Variants in ADAM10 observed in about 807,000 individuals in gnomAD.
ADAM10 encodes the protein ADAM metallopeptidase domain 10, also known as disintegrin and metalloproteinase domain-containing protein 10.
Under a neutral mutation model 90.1 loss-of-function variants are expected in ADAM10, and 17 were observed. The ratio of observed to expected loss-of-function variants is 0.19; its 90% CI spans 0.13 to 0.28. ADAM10 has a LOEUF of 0.28. ADAM10 is among the 10% of genes least tolerant of loss of function. ADAM10 has a pLI of 1.00. For synonymous variants in ADAM10, 310 were observed against 298.6 expected (o/e 1.04, Z -0.40); for missense variants, 610 against 914.3 (o/e 0.67, Z 4.29).
At chr15:58,657,362 G>T (rs8031250) in intron 5 of ADAM10, among the ~76,000 whole-genome samples, 7,644 of 151,978 alleles carry the variant, frequency 0.05, 662 homozygotes, top group African/African-American at 0.17. Context: ...AGATATTATA[G>T]GTGTTCTTCA....
At chr15:58,671,646 G>C (rs1401525064) in intron 4 of ADAM10, among the ~76,000 whole-genome samples, 4 of 152,192 alleles carry the variant, frequency 2.6e-5, no homozygotes, top group African/African-American at 9.7e-5. Flanking sequence ...GTCCGCGGCA[G>C]GAGGATGACT....
intron 10 of ADAM10, among the ~76,000 whole-genome samples, chr15:58,623,930 T>C (rs1412609901): frequency 5.3e-5 from 8 of 150,592 alleles, no homozygotes; most frequent in Admixed American, 2.0e-4. Context: ...CGTACACCTA[T>C]GTAATGAACC....
At chr15:58,633,415 A>G in intron 8 of ADAM10, 56 bp from the exon 9 acceptor site, 2 of 1,407,254 alleles carry the variant, frequency 1.4e-6, no homozygotes, top group Admixed American at 3.4e-5. Flanking sequence ...TACCCCCAAA[A>G]AGGTAATACA....
At chr15:58,733,450 A>G (rs1899323989) in intron 1 of ADAM10, among the ~76,000 whole-genome samples, 1 of 152,164 alleles carries the variant, frequency 6.6e-6, no homozygotes, top group African/African-American at 2.4e-5. Flanking sequence ...TTGTCTAGCC[A>G]GTTTCCGAAT....
At chr15:58,730,008 A>AAAAAAAAAAAC (rs1567016190) in intron 1 of ADAM10, among the ~76,000 whole-genome samples, 2 of 141,528 alleles carry the variant, frequency 1.4e-5, no homozygotes, top group East Asian at 2.2e-4. Flanking sequence ...ACAAACAAAA[A>AAAAAAAAAAAC]AAAAAACTCA....
intron 14 of ADAM10, 147 bp downstream of exon 14, chr15:58,610,150 G>C (rs542773906): frequency 1.7e-4 from 128 of 746,018 alleles, no homozygotes; most frequent in Non-Finnish European, 2.7e-4. Flanking sequence ...ATAATAACCA[G>C]AAATATTAGA....
At chr15:58,698,213 G>A (rs1898028675) in intron 2 of ADAM10, 1 of 395,526 alleles carries the variant, frequency 2.5e-6, no homozygotes, top group Non-Finnish European at 4.9e-6. Flanking sequence ...AAAAAGCTAA[G>A]TGAGGTACAA....
Position 58,666,839 on chromosome 15 carries a change from G to C in ADAM10, c.485-1642C>G, listed in dbSNP as rs186877774. Among the ~76,000 whole-genome samples the C allele has an allele frequency of 3.9e-3, 592 of 152,042 alleles. 1 individual carries two copies. The highest frequency in any genetic ancestry group is 6.6e-3 in the Non-Finnish European group (448 of 67,956). The stretch of plus-strand genomic sequence containing the variant: ...AAAAAAATTTCCAAATATTTCCAAA[G>C]CAACAAAACAGTATTTATATATGCT... On this transcript the variant is annotated intron_variant, in intron 4 of 15. Coordinates refer to ENST00000260408, the MANE Select transcript of ADAM10 (RefSeq NM_001110.4).
intron 5 of ADAM10, among the ~76,000 whole-genome samples, chr15:58,647,406 G>A (rs904750116): frequency 1.3e-5 from 2 of 151,274 alleles, no homozygotes; most frequent in Non-Finnish European, 3.0e-5. Context: ...GACTACCGGC[G>A]CCTGCCACCA....
At chr15:58,692,827 G>T in intron 2 of ADAM10, 1 of 649,990 alleles carries the variant, frequency 1.5e-6, no homozygotes, top group South Asian at 1.4e-5. Context: ...CCCAATCATG[G>T]AGATTTCTGC....
intron 1 of ADAM10, among the ~76,000 whole-genome samples, chr15:58,735,666 A>G (rs1185972097): frequency 1.3e-5 from 2 of 151,948 alleles, no homozygotes; most frequent in Non-Finnish European, 2.9e-5. Context: ...TACAGACTCA[A>G]TTTCATTTTT....
At chr15:58,653,848 T>C (rs1304238570) in intron 5 of ADAM10, among the ~76,000 whole-genome samples, 1 of 152,200 alleles carries the variant, frequency 6.6e-6, no homozygotes, top group Non-Finnish European at 1.5e-5. Context: ...TCCCAGACTT[T>C]TCTTTACTGG....
intron 1 of ADAM10, among the ~76,000 whole-genome samples, chr15:58,734,800 G>T (rs1032066468): frequency 6.6e-6 from 1 of 151,670 alleles, no homozygotes; most frequent in Non-Finnish European, 1.5e-5. Context: ...CTCTAAGATG[G>T]GGAAAACAAG....
intron 14 of ADAM10, among the ~76,000 whole-genome samples, chr15:58,601,362 G>GA (rs1895104049): frequency 6.6e-6 from 1 of 152,092 alleles, no homozygotes; most frequent in South Asian, 2.1e-4. Flanking sequence ...TAAGGAGGCT[G>GA]AGGGGGGAGA....
intron 4 of ADAM10, among the ~76,000 whole-genome samples, chr15:58,677,325 A>AT (rs2140747865): frequency 6.6e-6 from 1 of 152,352 alleles, no homozygotes; most frequent in East Asian, 1.9e-4. Context: ...TTAAACAAGT[A>AT]TAAAATAAAA....
chr15:58,683,654 G>C (rs935843456), intron 2 of ADAM10, among the ~76,000 whole-genome samples: 12 of 151,994 alleles, frequency 7.9e-5, no homozygotes, highest in African/African-American at 2.9e-4. Flanking sequence ...CTGAGGTCAG[G>C]AGTTCAAGAC....
At chr15:58,691,563 G>C (rs1424547126) in intron 2 of ADAM10, 1 of 514,832 alleles carries the variant, frequency 1.9e-6, no homozygotes, top group Non-Finnish European at 3.8e-6. Context: ...CCAGTTAATA[G>C]AGTCCTCATG....
intron 2 of ADAM10, among the ~76,000 whole-genome samples, chr15:58,683,236 T>C (rs1251937727): frequency 2.0e-5 from 3 of 152,222 alleles, no homozygotes; most frequent in Non-Finnish European, 4.4e-5. Flanking sequence ...TAATAGAATT[T>C]CTACTTAATT....
At chr15:58,686,807 A>C (rs1461376244) in intron 2 of ADAM10, among the ~76,000 whole-genome samples, 2 of 152,204 alleles carry the variant, frequency 1.3e-5, no homozygotes, top group African/African-American at 4.8e-5. Context: ...TGGGTGAAGG[A>C]ATAGAGTTTT....
Sources: gnomAD v4.1 joint callset for allele counts (sites outside exome capture counted in the v4.1 genomes callset) on GRCh38, gnomAD v4.1.1 for gene constraint, MANE v1.5 for transcripts, NCBI Gene and HGNC (gene_info 2026-07-23, HGNC 2026-07-21) for gene names.